The following ADAM12 variants were observed in gnomAD, a reference collection of about 807,000 sequenced individuals.
The protein encoded by ADAM12 is disintegrin and metalloproteinase domain-containing protein 12.
In ADAM12, 70 loss-of-function variants were observed where a neutral mutation model predicts 106.4. The observed-to-expected ratio is 0.66, with a 90% CI of 0.54 to 0.80. The LOEUF (loss-of-function observed/expected upper bound fraction) is 0.80. Ranked by LOEUF, ADAM12 falls within the 30% of genes least tolerant of loss-of-function variation. ADAM12 has a pLI of 0.00. For missense variants in ADAM12, 1,010 were observed against 1,171.9 expected, an observed-to-expected ratio of 0.86 and a Z score of 2.02; for synonymous variants, 420 against 433.5, an observed-to-expected ratio of 0.97 and a Z score of 0.39.
intron 2 of ADAM12, among the ~76,000 whole-genome samples, chr10:126,309,583 TG>T (rs1351928314): frequency 6.6e-6 from 1 of 152,222 alleles, no homozygotes; most frequent in Non-Finnish European, 1.5e-5. Context: ...AATGATGCAC[TG>T]GGTCCAGAAA....
At position 126,012,531 on chromosome 10, in the gene ADAM12, A is replaced by C. The variant is rs576912784; in HGVS notation, c.*4748T>G. On this transcript the variant is annotated 3_prime_UTR_variant, in exon 23 of 23. Coordinates refer to ENST00000448723, the MANE Select transcript of ADAM12 (RefSeq NM_001288973.2). ...AGACTGTGATAGAAAAAGGTATGTG[A>C]AAAAATTAGCAAACCAAAGCATGAT... 2.0e-5 allele frequency: 3 copies of C among 152,292 alleles called. No individual in the cohort carries two copies. In the South Asian group the frequency reaches 6.2e-4, roughly 32 times the overall value. 9.4% of individuals were successfully genotyped at this position (152,292 alleles called of 1,614,324 possible).
chr10:126,048,275 G>T (rs1318180441), intron 16 of ADAM12, among the ~76,000 whole-genome samples: 1 of 152,144 alleles, frequency 6.6e-6, no homozygotes, highest in African/African-American at 2.4e-5. Flanking sequence ...ACCTGCACAT[G>T]TACCCCTGAA....
intron 3 of ADAM12, among the ~76,000 whole-genome samples, chr10:126,218,086 C>T (rs1302362979): frequency 6.6e-6 from 1 of 151,610 alleles, no homozygotes; most frequent in Non-Finnish European, 1.5e-5. Flanking sequence ...ACTTCAGTCA[C>T]ACTGAGCTGC....
chr10:126,220,375 C>A (rs1958067416), intron 3 of ADAM12, among the ~76,000 whole-genome samples: 1 of 152,182 alleles, frequency 6.6e-6, no homozygotes, highest in Non-Finnish European at 1.5e-5. Context: ...TGGCTCAAGG[C>A]TTATTAGCCC....
At chr10:126,345,708 A>T (rs981631715) in intron 1 of ADAM12, among the ~76,000 whole-genome samples, 1 of 152,038 alleles carries the variant, frequency 6.6e-6, no homozygotes. Context: ...AGAGCCTGTT[A>T]TTGGTCTATT....
chr10:126,286,721 G>A (rs950282614), intron 2 of ADAM12, among the ~76,000 whole-genome samples: 1 of 152,112 alleles, frequency 6.6e-6, no homozygotes, highest in African/African-American at 2.4e-5. Context: ...ATTAAGGCAC[G>A]GCAGCATTAT....
chr10:126,206,816 T>G (rs1261794660), intron 3 of ADAM12, among the ~76,000 whole-genome samples: 2 of 143,546 alleles, frequency 1.4e-5, no homozygotes, highest in Non-Finnish European at 3.0e-5. Flanking sequence ...CACCCAAATG[T>G]CATCTTGAGT....
At chr10:126,268,568 G>A (rs751607954) in intron 3 of ADAM12, among the ~76,000 whole-genome samples, 13 of 152,180 alleles carry the variant, frequency 8.5e-5, no homozygotes, top group South Asian at 2.1e-4. Context: ...ATACAGTTAC[G>A]TTGCAGCTCT....
At chr10:126,144,601 G>C (rs1956590450) in intron 4 of ADAM12, among the ~76,000 whole-genome samples, 1 of 152,102 alleles carries the variant, frequency 6.6e-6, no homozygotes, top group Non-Finnish European at 1.5e-5. Context: ...CTTGGATATT[G>C]TGTGAAAATG....
rs537566230 is a variant in ADAM12, at chr10:126,043,216, AG to A, written c.1996-69del. 9 of 1,447,980 alleles carry A rather than the reference AG, an allele frequency of 6.2e-6. No individual in the cohort carries two copies. In the African/African-American group the frequency reaches 8.5e-5, roughly 14 times the overall value. 89.7% of individuals were successfully genotyped at this position (1,447,980 alleles called of 1,614,324 possible). ...TCTGTGCATCACCACAGCAGAAGCA[AG>A]GGGGGCCATGGTCAGAGCCCCCCCC... On this transcript the variant is annotated intron_variant, in intron 17 of 22. Coordinates refer to ENST00000448723, the MANE Select transcript of ADAM12 (RefSeq NM_001288973.2). The surrounding 1 kb of genome is among the most constrained non-coding windows in gnomAD (Gnocchi z 4.1).
intron 2 of ADAM12, among the ~76,000 whole-genome samples, chr10:126,328,773 C>T (rs757604328): frequency 6.6e-6 from 1 of 152,190 alleles, no homozygotes; most frequent in Non-Finnish European, 1.5e-5. Context: ...ACCCACAGGG[C>T]TCTCATTCTG....
intron 3 of ADAM12, among the ~76,000 whole-genome samples, chr10:126,213,565 C>T (rs573356086): frequency 6.6e-6 from 1 of 152,302 alleles, no homozygotes; most frequent in African/African-American, 2.4e-5. Flanking sequence ...ACTGAATATA[C>T]CCAAACCACT....
At chr10:126,211,653 G>A (rs911319453) in intron 3 of ADAM12, among the ~76,000 whole-genome samples, 1 of 151,522 alleles carries the variant, frequency 6.6e-6, no homozygotes, top group Non-Finnish European at 1.5e-5. Flanking sequence ...CCCACTAATA[G>A]CCTTCTCTGC....
At chr10:126,220,992 C>T (rs987093812) in intron 3 of ADAM12, among the ~76,000 whole-genome samples, 1 of 152,258 alleles carries the variant, frequency 6.6e-6, no homozygotes, top group Non-Finnish European at 1.5e-5. Flanking sequence ...AACAAAGCCT[C>T]TCCACATCAT....
intron 2 of ADAM12, among the ~76,000 whole-genome samples, chr10:126,312,879 T>A (rs1451334834): frequency 6.6e-6 from 1 of 152,202 alleles, no homozygotes; most frequent in African/African-American, 2.4e-5. Context: ...GTGAGCCACA[T>A]CGCCAAAGCT....
intron 8 of ADAM12, among the ~76,000 whole-genome samples, chr10:126,102,903 T>C (rs989132892): frequency 2.0e-5 from 3 of 152,132 alleles, no homozygotes; most frequent in African/African-American, 7.2e-5. Context: ...CTCTATTATA[T>C]ACAAAGGTAA....
intron 3 of ADAM12, among the ~76,000 whole-genome samples, chr10:126,270,586 A>G (rs1351350591): frequency 6.6e-6 from 1 of 152,242 alleles, no homozygotes; most frequent in Non-Finnish European, 1.5e-5. Context: ...AAGTGTGAAT[A>G]TAACTCCTAG....
At chr10:126,074,820 G>A (rs1363893491) in intron 11 of ADAM12, among the ~76,000 whole-genome samples, 1 of 152,186 alleles carries the variant, frequency 6.6e-6, no homozygotes, top group Non-Finnish European at 1.5e-5. Context: ...TGCGAAATGA[G>A]GTCTTGATGA....
At chr10:126,203,245 T>C (rs950162249) in intron 3 of ADAM12, among the ~76,000 whole-genome samples, 14 of 152,088 alleles carry the variant, frequency 9.2e-5, no homozygotes, top group Admixed American at 5.2e-4. Flanking sequence ...TAATTTCCTA[T>C]AAGAAACTAG....
Sources: gnomAD v4.1 joint callset for allele counts (sites outside exome capture counted in the v4.1 genomes callset) on GRCh38, gnomAD v4.1.1 for gene constraint, Gnocchi (gnomAD v3.1) non-coding constraint, MANE v1.5 for transcripts, NCBI Gene and HGNC (gene_info 2026-07-23, HGNC 2026-07-21) for gene names.